The following CCDC33 variants were observed in gnomAD, a reference collection of about 807,000 sequenced individuals.
CCDC33 encodes the protein coiled-coil domain-containing protein 33.
In CCDC33, 94 loss-of-function variants were observed where a neutral mutation model predicts 91.9. The observed-to-expected ratio is 1.02, with a 90% confidence interval of 0.87 to 1.21. The LOEUF (loss-of-function observed/expected upper bound fraction) is 1.21, where lower values mean the gene tolerates loss of function less well. Ranked by LOEUF, CCDC33 falls within the 50% of genes most tolerant of loss-of-function variation. CCDC33 has a pLI of 0.00. For synonymous variants in CCDC33, 396 were observed against 374.5 expected (o/e 1.06, Z -0.66); for missense variants, 940 against 935.5 (o/e 1.00, Z -0.06).
At position 74,329,971 on chromosome 15, in the gene CCDC33, A is replaced by G. The variant is rs183155821; in HGVS notation, c.1291-218A>G. 4.6e-5 allele frequency among the ~76,000 whole-genome samples: 7 copies of G among 152,112 alleles called. No homozygotes were observed. The East Asian group carries it at 1.4e-3, about 30-fold the overall frequency. On this transcript the variant is annotated intron_variant, in intron 11 of 18. Transcript: ENST00000398814. ...CACAGGACGTGATGTGGCCCCGGGGAGAGAACATTAGTGTGGCTGCCCTCA... is the reference window on the plus strand; with the variant it reads ...CACAGGACGTGATGTGGCCCCGGGGGGAGAACATTAGTGTGGCTGCCCTCA...
intron 2 of CCDC33, among the ~76,000 whole-genome samples, chr15:74,225,115 G>GGTGTGT (rs1424751006): frequency 1.7e-4 from 20 of 117,196 alleles, no homozygotes; most frequent in African/African-American, 6.2e-4. Flanking sequence ...ACCTCCTGGA[G>GGTGTGT]GCGTGTGTGT....
chr15:74,211,153 GCACACACACACACACA>G (rs71137380), intron 2 of CCDC33, among the ~76,000 whole-genome samples: 1 of 148,684 alleles, frequency 6.7e-6, no homozygotes, highest in South Asian at 2.2e-4. Context: ...GCACGCACAC[GCACACACACACACACA>G]CACACACACA....
chr15:74,216,881 C>G, upstream of CCDC33, among the ~76,000 whole-genome samples: 1 of 151,806 alleles, frequency 6.6e-6, no homozygotes, highest in Non-Finnish European at 1.5e-5. Context: ...CATCTTCTAG[C>G]ATACATTATA....
At chr15:74,242,515 CA>C (rs2075380983) in intron 1 of CCDC33, among the ~76,000 whole-genome samples, 1 of 152,222 alleles carries the variant, frequency 6.6e-6, no homozygotes, top group Non-Finnish European at 1.5e-5. Flanking sequence ...AGATGAGGAA[CA>C]GCCTGCCAGT....
intron 11 of CCDC33, among the ~76,000 whole-genome samples, chr15:74,315,329 A>G (rs2060069929): frequency 6.6e-6 from 1 of 152,224 alleles, no homozygotes; most frequent in South Asian, 2.1e-4. Context: ...TGAGTGATGA[A>G]GCATGAGCCC....
chr15:74,213,963 A>G (rs1394441729), upstream of CCDC33, among the ~76,000 whole-genome samples: 1 of 152,082 alleles, frequency 6.6e-6, no homozygotes, highest in Non-Finnish European at 1.5e-5. Flanking sequence ...GCGCCTGTGG[A>G]AGGAGATGAG....
intron 2 of CCDC33, among the ~76,000 whole-genome samples, chr15:74,245,363 C>T (rs139525182): frequency 9.2e-4 from 140 of 152,354 alleles, no homozygotes; most frequent in African/African-American, 3.1e-3. Context: ...TTAAAAGCCC[C>T]ATTTGTGCCA....
At chr15:74,293,170 G>T (rs1241603533) in intron 10 of CCDC33, among the ~76,000 whole-genome samples, 1 of 152,076 alleles carries the variant, frequency 6.6e-6, no homozygotes, top group African/African-American at 2.4e-5. Flanking sequence ...GTACTGATGG[G>T]GGCACCTCTG....
At chr15:74,223,084 C>T (rs1307472137) in intron 2 of CCDC33, among the ~76,000 whole-genome samples, 2 of 151,974 alleles carry the variant, frequency 1.3e-5, no homozygotes, top group African/African-American at 4.8e-5. Context: ...GGGTGCAGCA[C>T]GGGGGTGTGA....
At chr15:74,255,906 G>A (rs2075846816) in intron 2 of CCDC33, among the ~76,000 whole-genome samples, 1 of 152,230 alleles carries the variant, frequency 6.6e-6, no homozygotes, top group South Asian at 2.1e-4. Context: ...TCAGCAGCCT[G>A]GGCCAGTGAG....
intron 11 of CCDC33, among the ~76,000 whole-genome samples, chr15:74,296,440 CA>C (rs969612407): frequency 6.6e-6 from 1 of 152,084 alleles, no homozygotes; most frequent in Non-Finnish European, 1.5e-5. Context: ...GCCTGACCTA[CA>C]TGGAAAAACC....
At chr15:74,283,456 C>A (rs935281226) in intron 10 of CCDC33, among the ~76,000 whole-genome samples, 1 of 152,242 alleles carries the variant, frequency 6.6e-6, no homozygotes, top group Non-Finnish European at 1.5e-5. Flanking sequence ...ACAGTTTCCC[C>A]ATTGCCCAGG....
chr15:74,314,985 C>A (rs1567025958), intron 11 of CCDC33, among the ~76,000 whole-genome samples: 1 of 152,216 alleles, frequency 6.6e-6, no homozygotes, highest in African/African-American at 2.4e-5. Context: ...CCAGGAGCCT[C>A]CCATCCCCCA....
intron 11 of CCDC33, among the ~76,000 whole-genome samples, chr15:74,314,925 C>T (rs1406099129): frequency 1.3e-5 from 2 of 152,200 alleles, no homozygotes; most frequent in Non-Finnish European, 2.9e-5. Context: ...CAGGCAGGGC[C>T]CAGAGAAGTC....
At chr15:74,276,091 C>CATGTAACCTGAG (rs2076441589) in intron 7 of CCDC33, among the ~76,000 whole-genome samples, 1 of 152,222 alleles carries the variant, frequency 6.6e-6, no homozygotes, top group Admixed American at 6.5e-5. Flanking sequence ...CTTCCCTGAG[C>CATGTAACCTGAG]CAATCACTAA....
intron 2 of CCDC33, among the ~76,000 whole-genome samples, chr15:74,259,487 C>A (rs2075963778): frequency 6.6e-6 from 1 of 152,126 alleles, no homozygotes; most frequent in African/African-American, 2.4e-5. Context: ...AAAGCCATTA[C>A]CCCGAGAGCC....
chr15:74,220,232 GC>G (rs1200373340), intron 2 of CCDC33, among the ~76,000 whole-genome samples: 1 of 152,218 alleles, frequency 6.6e-6, no homozygotes, highest in Non-Finnish European at 1.5e-5. Flanking sequence ...CCAGGGACCA[GC>G]TTCTCTTGCC....
At chr15:74,275,761 C>T (rs2076432996) in intron 7 of CCDC33, among the ~76,000 whole-genome samples, 1 of 152,156 alleles carries the variant, frequency 6.6e-6, no homozygotes. Context: ...CCTCTGCCTC[C>T]TGGGTTCAAG....
upstream of CCDC33, among the ~76,000 whole-genome samples, chr15:74,214,123 A>T (rs1677096718): frequency 6.6e-6 from 1 of 151,400 alleles, no homozygotes; most frequent in Admixed American, 6.6e-5. Flanking sequence ...CTCAGGGGCC[A>T]TGGGGGTGTG....
Sources: allele counts gnomAD v4.1 joint callset (sites outside exome capture counted in the v4.1 genomes callset), GRCh38; gene constraint gnomAD v4.1.1; transcripts MANE v1.5; gene names NCBI Gene and HGNC (gene_info 2026-07-23, HGNC 2026-07-21).